The following FAT3 variants were observed in gnomAD, a reference collection of about 807,000 sequenced individuals.
The protein encoded by FAT3 is protocadherin Fat 3.
FAT3 carries 95 observed loss-of-function variants against 310.2 expected under a neutral mutation model. That is an observed-to-expected ratio of 0.31 (90% CI 0.26 to 0.36). FAT3 has a LOEUF of 0.36. FAT3 is among the 10% of genes least tolerant of loss of function. The pLI is 1.00. For synonymous variants in FAT3, 2,314 were observed against 2,192.9 expected (o/e 1.06, Z -1.54); for missense variants, 5,408 against 5,715.6 (o/e 0.95, Z 1.74).
intron 19 of FAT3, among the ~76,000 whole-genome samples, chr11:92,845,820 G>C (rs890730747): frequency 3.3e-5 from 5 of 152,142 alleles, no homozygotes; most frequent in African/African-American, 9.7e-5. Context: ...AAAGTTCTTG[G>C]TTGCAGTTTG....
intron 22 of FAT3, among the ~76,000 whole-genome samples, chr11:92,875,503 G>C (rs1272911265): frequency 6.6e-6 from 1 of 151,344 alleles, no homozygotes; most frequent in Non-Finnish European, 1.5e-5. Flanking sequence ...TCTAAATGGA[G>C]TTTTTCTGTC....
chr11:92,306,653 T>TTA (rs906218844), intron 1 of FAT3, among the ~76,000 whole-genome samples: 12 of 122,470 alleles, frequency 9.8e-5, no homozygotes, highest in East Asian at 4.2e-4. Context: ...ATTATATATA[T>TTA]TATATATATA....
chr11:92,656,628 T>C (rs1229533207), intron 3 of FAT3, among the ~76,000 whole-genome samples: 1 of 152,234 alleles, frequency 6.6e-6, no homozygotes, highest in Non-Finnish European at 1.5e-5. Flanking sequence ...TTAAATTTAC[T>C]TTCTAATTCA....
chr11:92,587,732 C>T (rs776640125), intron 3 of FAT3, among the ~76,000 whole-genome samples: 4 of 151,742 alleles, frequency 2.6e-5, no homozygotes, highest in Non-Finnish European at 4.4e-5. Context: ...AAGTGCTGGC[C>T]CCTGAATCAT....
chr11:92,260,048 T>G (rs1445369236), intron 1 of FAT3, among the ~76,000 whole-genome samples: 2 of 152,172 alleles, frequency 1.3e-5, no homozygotes, highest in Admixed American at 6.6e-5. Context: ...AAAGTGAAGC[T>G]GAAGAGCTTT....
intron 3 of FAT3, among the ~76,000 whole-genome samples, chr11:92,684,383 C>T (rs557253482): frequency 4.6e-5 from 7 of 152,178 alleles, no homozygotes; most frequent in East Asian, 1.9e-4. Context: ...AAGAAAGTCC[C>T]GGGACCCTGG....
intron 4 of FAT3, among the ~76,000 whole-genome samples, chr11:92,702,618 C>T (rs566235046): frequency 6.6e-6 from 1 of 152,262 alleles, no homozygotes; most frequent in Non-Finnish European, 1.5e-5. Flanking sequence ...ACTGCCAGTT[C>T]CCTTTCTTTT....
intron 2 of FAT3, among the ~76,000 whole-genome samples, chr11:92,411,663 G>A (rs1479235388): frequency 6.6e-6 from 1 of 152,142 alleles, no homozygotes; most frequent in African/African-American, 2.4e-5. Context: ...CGACAGAATA[G>A]GAGTAGGCCC....
At chr11:92,295,326 A>G (rs1946822055) in intron 1 of FAT3, among the ~76,000 whole-genome samples, 1 of 152,108 alleles carries the variant, frequency 6.6e-6, no homozygotes, top group Non-Finnish European at 1.5e-5. Context: ...GGTTTCTAAG[A>G]CTGCATTTAA....
chr11:92,686,525 G>A (rs1245831749), intron 3 of FAT3, among the ~76,000 whole-genome samples: 1 of 152,044 alleles, frequency 6.6e-6, no homozygotes, highest in African/African-American at 2.4e-5. Flanking sequence ...TCTCAGACAG[G>A]TGAAATGAAA....
intron 18 of FAT3, among the ~76,000 whole-genome samples, chr11:92,841,556 A>G (rs532068820): frequency 5.3e-5 from 8 of 152,316 alleles, no homozygotes; most frequent in Non-Finnish European, 7.3e-5. Context: ...AAGCACATCA[A>G]TGAACTCTTC....
At chr11:92,810,111 T>C in intron 13 of FAT3, 35 bp downstream of exon 13, 1 of 1,582,482 alleles carries the variant, frequency 6.3e-7, no homozygotes, top group Non-Finnish European at 8.7e-7. Context: ...TGTCACACAG[T>C]GGACACTTTG....
chr11:92,508,888 G>A (rs1953199439), intron 2 of FAT3, among the ~76,000 whole-genome samples: 1 of 152,118 alleles, frequency 6.6e-6, no homozygotes, highest in Non-Finnish European at 1.5e-5. Flanking sequence ...TGCTTGAAGA[G>A]CTGAAGGTTA....
chr11:92,604,704 C>T (rs895381453), intron 3 of FAT3, among the ~76,000 whole-genome samples: 1 of 152,200 alleles, frequency 6.6e-6, no homozygotes, highest in African/African-American at 2.4e-5. Flanking sequence ...TGCCCTGCTC[C>T]CAACAGCAGC....
At chr11:92,637,113 C>A (rs1941792981) in intron 3 of FAT3, among the ~76,000 whole-genome samples, 1 of 152,054 alleles carries the variant, frequency 6.6e-6, no homozygotes, top group Non-Finnish European at 1.5e-5. Flanking sequence ...CAGTCAGGAT[C>A]AAAATGACAA....
chr11:92,242,216 AT>A (rs750347691), intron 1 of FAT3, among the ~76,000 whole-genome samples: 1 of 152,082 alleles, frequency 6.6e-6, no homozygotes, highest in Non-Finnish European at 1.5e-5. Flanking sequence ...CAAACACAAA[AT>A]TCTTTAAAGA....
chr11:92,525,073 T>C, intron 3 of FAT3, 125 bp downstream of exon 3: 1 of 861,260 alleles, frequency 1.2e-6, no homozygotes, highest in Non-Finnish European at 1.8e-6. Context: ...CTGAGAATGG[T>C]TTCTGAAAAG....
At chr11:92,566,085 G>A (rs190170992) in intron 3 of FAT3, among the ~76,000 whole-genome samples, 172 of 152,286 alleles carry the variant, frequency 1.1e-3, no homozygotes, top group Middle Eastern at 6.8e-3. Flanking sequence ...AGGAAAAGAG[G>A]AAGTCGAATT....
intron 2 of FAT3, among the ~76,000 whole-genome samples, chr11:92,437,764 T>A (rs1950973107): frequency 6.6e-6 from 1 of 152,126 alleles, no homozygotes; most frequent in Non-Finnish European, 1.5e-5. Flanking sequence ...ATCGAAGTAG[T>A]AAGAGACGAG....
Sources: allele counts gnomAD v4.1 joint callset (sites outside exome capture counted in the v4.1 genomes callset), GRCh38; gene constraint gnomAD v4.1.1; transcripts MANE v1.5; gene names NCBI Gene and HGNC (gene_info 2026-07-23, HGNC 2026-07-21).